The following CCDC85A variants were observed in gnomAD, a reference collection of about 807,000 sequenced individuals.
CCDC85A encodes coiled-coil domain containing 85A.
CCDC85A carries 38 observed loss-of-function variants against 50.2 expected under a neutral mutation model. The ratio of observed to expected loss-of-function variants is 0.76; its 90% CI spans 0.58 to 0.99. The LOEUF (loss-of-function observed/expected upper bound fraction) is 0.99, where lower values mean the gene tolerates loss of function less well. CCDC85A is among the 50% of genes least tolerant of loss of function. The probability of loss-of-function intolerance (pLI) is 0.00; values close to 1 mark genes in which losing one functional copy is unlikely to be tolerated. For synonymous variants in CCDC85A, 366 were observed against 301.4 expected, an observed-to-expected ratio of 1.21 and a Z score of -2.22; for missense variants, 820 against 742.0, an observed-to-expected ratio of 1.11 and a Z score of -1.22.
intron 2 of CCDC85A, among the ~76,000 whole-genome samples, chr2:56,265,309 C>T (rs766093417): frequency 2.0e-5 from 3 of 152,210 alleles, no homozygotes; most frequent in African/African-American, 7.2e-5. Context: ...AGAGTTCTGC[C>T]TGTGTTCTTA....
chr2:56,321,398 C>T (rs1450163844), intron 2 of CCDC85A, among the ~76,000 whole-genome samples: 1 of 152,088 alleles, frequency 6.6e-6, no homozygotes, highest in East Asian at 1.9e-4. Context: ...AAAACCCCAT[C>T]ATTCAGCTCA....
intron 3 of CCDC85A, among the ~76,000 whole-genome samples, chr2:56,360,663 A>T (rs1429912125): frequency 6.6e-6 from 1 of 152,172 alleles, no homozygotes; most frequent in African/African-American, 2.4e-5. Flanking sequence ...TTTTCTTCCT[A>T]TCACACAGAG....
rs932016682 is a variant in CCDC85A at position 56,383,487 on chromosome 2, T to C, written c.1573-779T>C. 18 of 583,828 alleles carry C rather than the reference T, an allele frequency of 3.1e-5. No individual in the cohort carries two copies. The African/African-American group carries it at 3.7e-4, about 12-fold the overall frequency. The allele number at this position is 583,828 out of a possible 1,614,324, so 36.2% of individuals were successfully genotyped here. On this transcript the variant is annotated intron_variant, in intron 5 of 5. Transcript: ENST00000407595. ...AATTCGGTAGTTTTACGTTTATGCT[T>C]ACATTATTCTTGATTGCACCTTTTG...
upstream of CCDC85A, chr2:56,183,968 G>T: frequency 1.0e-6 from 1 of 985,366 alleles, no homozygotes; most frequent in Non-Finnish European, 1.2e-6. Context: ...TCCTCCTCCA[G>T]CCGGTCCCCC....
chr2:56,263,095 A>C (rs1227802651), intron 2 of CCDC85A, among the ~76,000 whole-genome samples: 1 of 152,224 alleles, frequency 6.6e-6, no homozygotes, highest in African/African-American at 2.4e-5. Context: ...GAAAATACTT[A>C]AGTAGAGTGT....
intron 2 of CCDC85A, among the ~76,000 whole-genome samples, chr2:56,194,541 C>T (rs1469223124): frequency 6.6e-6 from 1 of 152,134 alleles, no homozygotes; most frequent in Non-Finnish European, 1.5e-5. Flanking sequence ...GAGGAGGCTG[C>T]CAGTTTTAGC....
At chr2:56,240,965 A>G (rs1242531332) in intron 2 of CCDC85A, among the ~76,000 whole-genome samples, 1 of 152,128 alleles carries the variant, frequency 6.6e-6, no homozygotes, top group Non-Finnish European at 1.5e-5. Context: ...TCCAAATTGG[A>G]TGCACCATTT....
At chr2:56,317,598 T>G (rs1672979358) in intron 2 of CCDC85A, among the ~76,000 whole-genome samples, 1 of 152,262 alleles carries the variant, frequency 6.6e-6, no homozygotes, top group African/African-American at 2.4e-5. Flanking sequence ...GTATTCATAA[T>G]TGGAAATTAG....
intron 2 of CCDC85A, among the ~76,000 whole-genome samples, chr2:56,254,938 T>A (rs548737850): frequency 1.3e-5 from 2 of 152,320 alleles, no homozygotes; most frequent in South Asian, 4.1e-4. Context: ...TTCCAGGGAC[T>A]TAGCATCACA....
At chr2:56,290,447 T>G (rs1410987422) in intron 2 of CCDC85A, among the ~76,000 whole-genome samples, 1 of 152,184 alleles carries the variant, frequency 6.6e-6, no homozygotes, top group East Asian at 1.9e-4. Flanking sequence ...TGCCTGATTC[T>G]GTGCCCCTCT....
chr2:56,378,408 A>G (rs1035388013), intron 5 of CCDC85A, among the ~76,000 whole-genome samples: 5 of 152,228 alleles, frequency 3.3e-5, no homozygotes, highest in African/African-American at 9.6e-5. Flanking sequence ...GCTTTACTTC[A>G]TTTAGTAAAA....
intron 2 of CCDC85A, among the ~76,000 whole-genome samples, chr2:56,325,717 C>T (rs1474863853): frequency 2.0e-5 from 3 of 152,060 alleles, no homozygotes; most frequent in African/African-American, 4.8e-5. Context: ...TCATTGTCTT[C>T]TGTCTACCTC....
At chr2:56,223,912 C>T (rs1668434826) in intron 2 of CCDC85A, among the ~76,000 whole-genome samples, 1 of 152,140 alleles carries the variant, frequency 6.6e-6, no homozygotes, top group Non-Finnish European at 1.5e-5. Context: ...CTGGCTTTCC[C>T]TACTTCTCTC....
chr2:56,190,453 T>A (rs1169251415), intron 1 of CCDC85A, among the ~76,000 whole-genome samples: 1 of 152,218 alleles, frequency 6.6e-6, no homozygotes, highest in Non-Finnish European at 1.5e-5. Flanking sequence ...TCTGTTCTTG[T>A]GACTCTAGAG....
At chr2:56,223,601 A>T (rs1668419712) in intron 2 of CCDC85A, among the ~76,000 whole-genome samples, 1 of 152,198 alleles carries the variant, frequency 6.6e-6, no homozygotes, top group African/African-American at 2.4e-5. Flanking sequence ...TACTTGTGTC[A>T]AAGAAGACAA....
At chr2:56,207,663 T>C (rs1013315648) in intron 2 of CCDC85A, among the ~76,000 whole-genome samples, 3 of 152,186 alleles carry the variant, frequency 2.0e-5, no homozygotes, top group Non-Finnish European at 4.4e-5. Flanking sequence ...AATTGGTGTA[T>C]CTTTGAAAAC....
chr2:56,309,472 A>G (rs113101629), intron 2 of CCDC85A, among the ~76,000 whole-genome samples: 3 of 152,306 alleles, frequency 2.0e-5, no homozygotes, highest in African/African-American at 4.8e-5. Flanking sequence ...TAATGTCACA[A>G]TGTAAGATAT....
chr2:56,258,617 G>T (rs1238269532), intron 2 of CCDC85A, among the ~76,000 whole-genome samples: 1 of 152,212 alleles, frequency 6.6e-6, no homozygotes, highest in Non-Finnish European at 1.5e-5. Context: ...GCAAAATCTA[G>T]GACAGGAGAG....
intron 5 of CCDC85A, among the ~76,000 whole-genome samples, chr2:56,380,347 A>G (rs1055312250): frequency 4.6e-5 from 7 of 152,098 alleles, no homozygotes; most frequent in African/African-American, 1.7e-4. Context: ...TTTAGCTTTC[A>G]GTTGTTGACC....
Sources: allele counts gnomAD v4.1 joint callset (sites outside exome capture counted in the v4.1 genomes callset), GRCh38; gene constraint gnomAD v4.1.1; transcripts MANE v1.5; gene names NCBI Gene and HGNC (gene_info 2026-07-23, HGNC 2026-07-21).